Variants in BCAT1 observed in about 807,000 individuals in gnomAD.
BCAT1 encodes the protein branched chain amino acid transaminase 1, also known as branched-chain-amino-acid aminotransferase, cytosolic.
In BCAT1, 48 loss-of-function variants were observed where a neutral mutation model predicts 52.4. The observed-to-expected ratio is 0.92, with a 90% CI of 0.73 to 1.16. The LOEUF is 1.16. BCAT1 is among the 50% of genes most tolerant of loss of function. The pLI, the probability that BCAT1 is intolerant of heterozygous loss-of-function variation, is 0.00. For missense variants in BCAT1, 451 were observed against 457.1 expected (o/e 0.99, Z 0.12); for synonymous variants, 167 against 161.3 (o/e 1.04, Z -0.27).
intron 3 of BCAT1, among the ~76,000 whole-genome samples, chr12:24,882,970 A>G (rs1466507699): frequency 2.6e-5 from 4 of 152,182 alleles, no homozygotes. Flanking sequence ...ATTTAAGCCA[A>G]GAAGCACTAC....
intron 1 of BCAT1, among the ~76,000 whole-genome samples, chr12:24,917,815 G>A (rs531746061): frequency 7.9e-5 from 12 of 152,264 alleles, no homozygotes; most frequent in Admixed American, 7.2e-4. Flanking sequence ...GAACTTCTCT[G>A]GGCTCTCCTC....
chr12:24,912,277 G>A (rs1943339080), intron 1 of BCAT1, among the ~76,000 whole-genome samples: 1 of 152,074 alleles, frequency 6.6e-6, no homozygotes, highest in African/African-American at 2.4e-5. Flanking sequence ...CACTTTGGGA[G>A]GCCGAGGCGG....
chr12:24,937,520 G>C (rs890631482), intron 1 of BCAT1, among the ~76,000 whole-genome samples: 3 of 151,004 alleles, frequency 2.0e-5, no homozygotes, highest in South Asian at 2.1e-4. Context: ...TTGTTTGTTT[G>C]TTTGCTTGTT....
intron 10 of BCAT1, among the ~76,000 whole-genome samples, chr12:24,821,665 C>T (rs1940134290): frequency 6.6e-6 from 1 of 152,176 alleles, no homozygotes; most frequent in African/African-American, 2.4e-5. Flanking sequence ...AACATTACTG[C>T]ATACGCATTA....
At chr12:24,944,078 T>C (rs1000230787) in intron 1 of BCAT1, among the ~76,000 whole-genome samples, 1 of 152,194 alleles carries the variant, frequency 6.6e-6, no homozygotes. Flanking sequence ...CAAACCTGCA[T>C]GTGTTTCTTC....
In BCAT1 at chr12:24,916,052, G is replaced by C. The variant is rs545744280; in HGVS notation, c.7-14167C>G. The stretch of plus-strand genomic sequence containing the variant: ...CACATGCCTGTAATCCCAGCTACTC[G>C]GGAGGCTGAAGCAGGAGAATCACTT... On this transcript the variant is annotated intron_variant, in intron 1 of 10. Coordinates refer to ENST00000261192, the MANE Select transcript of BCAT1 (RefSeq NM_005504.7). Among the ~76,000 whole-genome samples the C allele has an allele frequency of 2.0e-5, 3 of 152,150 alleles. 1 individual carries two copies. Among genetic ancestry groups the C allele is most frequent in the Admixed American group, 6.5e-5 (1 of 15,276 alleles).
intron 6 of BCAT1, among the ~76,000 whole-genome samples, chr12:24,847,809 C>T (rs1165861444): frequency 3.3e-5 from 5 of 152,210 alleles, no homozygotes; most frequent in Admixed American, 6.5e-5. Flanking sequence ...AAGTTCTTGA[C>T]TTTATGAGAC....
At chr12:24,860,560 A>G (rs1941825879) in intron 5 of BCAT1, among the ~76,000 whole-genome samples, 1 of 152,224 alleles carries the variant, frequency 6.6e-6, no homozygotes, top group Admixed American at 6.5e-5. Context: ...TGCAATAAAA[A>G]TCTGTTTTCC....
At chr12:24,892,080 T>A (rs1192308432) in intron 3 of BCAT1, among the ~76,000 whole-genome samples, 2 of 149,754 alleles carry the variant, frequency 1.3e-5, no homozygotes, top group African/African-American at 2.5e-5. Context: ...TTTTGTTTTG[T>A]TTTGTTTTGT....
intron 2 of BCAT1, among the ~76,000 whole-genome samples, chr12:24,898,157 T>G (rs1462270272): frequency 3.9e-5 from 6 of 152,210 alleles, no homozygotes; most frequent in Non-Finnish European, 1.5e-5. Flanking sequence ...TTTTTATCAG[T>G]GTTCTTTAAA....
At chr12:24,875,534 A>G (rs1942309582) in intron 5 of BCAT1, among the ~76,000 whole-genome samples, 1 of 152,230 alleles carries the variant, frequency 6.6e-6, no homozygotes, top group Non-Finnish European at 1.5e-5. Flanking sequence ...TTTGAGGTCC[A>G]AAGTGTGATC....
chr12:24,829,101 TG>T (rs1940534782), intron 10 of BCAT1, among the ~76,000 whole-genome samples: 1 of 151,950 alleles, frequency 6.6e-6, no homozygotes, highest in African/African-American at 2.4e-5. Flanking sequence ...CATCAAAAAA[TG>T]GCAGGGCACA....
chr12:24,834,567 A>T, intron 8 of BCAT1: 1 of 973,922 alleles, frequency 1.0e-6, no homozygotes, highest in Non-Finnish European at 1.2e-6. Context: ...TAATTTATAA[A>T]CCCACAAGAG....
At chr12:24,818,576 T>C (rs1201559470) in intron 10 of BCAT1, among the ~76,000 whole-genome samples, 14 of 152,182 alleles carry the variant, frequency 9.2e-5, no homozygotes, top group Non-Finnish European at 1.3e-4. Context: ...AAGCATCAAA[T>C]GATTCCGACA....
chr12:24,920,603 T>C (rs1435303877), intron 1 of BCAT1, among the ~76,000 whole-genome samples: 2 of 152,156 alleles, frequency 1.3e-5, no homozygotes, highest in Non-Finnish European at 2.9e-5. Flanking sequence ...CCAAAATATA[T>C]AGGGATTTCT....
chr12:24,922,000 C>T (rs945792550), intron 1 of BCAT1, among the ~76,000 whole-genome samples: 2 of 152,216 alleles, frequency 1.3e-5, no homozygotes, highest in Non-Finnish European at 2.9e-5. Flanking sequence ...CATACACACA[C>T]ACATACACAC....
At chr12:24,902,870 G>A (rs1591860344) in intron 1 of BCAT1, 2 of 1,502,108 alleles carry the variant, frequency 1.3e-6, no homozygotes, top group Non-Finnish European at 1.8e-6. Context: ...GCGACAAGGC[G>A]CCCGGCCAGG....
At chr12:24,929,000 A>G (rs2139738581) in intron 1 of BCAT1, among the ~76,000 whole-genome samples, 1 of 152,118 alleles carries the variant, frequency 6.6e-6, no homozygotes, top group African/African-American at 2.4e-5. Flanking sequence ...ACCTCAGATG[A>G]TCTGCCCGCC....
At chr12:24,929,604 G>A (rs1943648974) in intron 1 of BCAT1, among the ~76,000 whole-genome samples, 1 of 152,302 alleles carries the variant, frequency 6.6e-6, no homozygotes, top group African/African-American at 2.4e-5. Context: ...GGTAGACCTT[G>A]TCACAGGCTA....
Sources: allele counts gnomAD v4.1 joint callset (sites outside exome capture counted in the v4.1 genomes callset), GRCh38; gene constraint gnomAD v4.1.1; transcripts MANE v1.5; gene names NCBI Gene and HGNC (gene_info 2026-07-23, HGNC 2026-07-21).